Variants in ANO3 observed in about 807,000 individuals in gnomAD.
The protein encoded by ANO3 is anoctamin 3, also known as anoctamin-3.
Under a neutral mutation model 144.8 loss-of-function variants are expected in ANO3, and 99 were observed. That is an observed-to-expected ratio of 0.68 (90% confidence interval 0.58 to 0.81). The LOEUF is 0.81. ANO3 is among the 30% of genes least tolerant of loss of function. The pLI is 0.00. For missense variants in ANO3, 905 were observed against 1,202.2 expected (o/e 0.75, Z 3.66); for synonymous variants, 414 against 392.6 (o/e 1.05, Z -0.64).
chr11:26,584,360 T>C (rs1330604869), intron 14 of ANO3, among the ~76,000 whole-genome samples: 1 of 152,168 alleles, frequency 6.6e-6, no homozygotes, highest in African/African-American at 2.4e-5. Context: ...GGTTTCACCA[T>C]GGTGGCCAGG....
intron 14 of ANO3, among the ~76,000 whole-genome samples, chr11:26,581,688 C>CAAAAAAAAAAAAAAAAAAAAAAAGA: frequency 1.2e-5 from 1 of 84,744 alleles, no homozygotes; most frequent in Non-Finnish European, 2.4e-5. Context: ...GACTCTGTCT[C>CAAAAAAAAAAAAAAAAAAAAAAAGA]AAAAAAAAAA....
intron 1 of ANO3, among the ~76,000 whole-genome samples, chr11:26,339,311 T>G (rs1428474934): frequency 6.6e-6 from 1 of 152,036 alleles, no homozygotes; most frequent in Non-Finnish European, 1.5e-5. Context: ...CCCGCCACCA[T>G]GCCCGCATAA....
intron 1 of ANO3, among the ~76,000 whole-genome samples, chr11:26,375,759 C>G (rs1856389103): frequency 6.6e-6 from 1 of 152,106 alleles, no homozygotes; most frequent in African/African-American, 2.4e-5. Context: ...AATATAATTG[C>G]AAAGCTGTCA....
At chr11:26,389,435 TGAAA>T (rs1276279717) in intron 1 of ANO3, among the ~76,000 whole-genome samples, 20 of 151,934 alleles carry the variant, frequency 1.3e-4, no homozygotes, top group African/African-American at 3.9e-4. Context: ...ACTGAATGAA[TGAAA>T]GAATGAATAA....
intron 1 of ANO3, among the ~76,000 whole-genome samples, chr11:26,258,630 T>C (rs1289045189): frequency 6.6e-6 from 1 of 152,176 alleles, no homozygotes; most frequent in Non-Finnish European, 1.5e-5. Flanking sequence ...TGTTAAATTA[T>C]TGCATCTCTC....
At chr11:26,626,034 A>G (rs1443916613) in intron 18 of ANO3, among the ~76,000 whole-genome samples, 2 of 152,236 alleles carry the variant, frequency 1.3e-5, no homozygotes, top group Non-Finnish European at 2.9e-5. Context: ...AAGGAGTTTC[A>G]TTTTCTTCTG....
intron 1 of ANO3, among the ~76,000 whole-genome samples, chr11:26,279,933 A>G (rs780274016): frequency 6.6e-6 from 1 of 152,164 alleles, no homozygotes; most frequent in African/African-American, 2.4e-5. Flanking sequence ...CTCTCCCTGG[A>G]TTAGTGTAAA....
At chr11:26,617,525 A>G (rs1325453251) in intron 17 of ANO3, among the ~76,000 whole-genome samples, 1 of 152,220 alleles carries the variant, frequency 6.6e-6, no homozygotes, top group Non-Finnish European at 1.5e-5. Flanking sequence ...ACTAGAACCC[A>G]TGTATCTTCT....
At chr11:26,284,735 T>TA (rs58634244) in intron 1 of ANO3, among the ~76,000 whole-genome samples, 78 of 148,506 alleles carry the variant, frequency 5.3e-4, no homozygotes, top group Admixed American at 1.6e-3. Context: ...CCGTCTCTAC[T>TA]AAAAAAAAAA....
chr11:26,540,290 A>G (rs984084300), intron 10 of ANO3, among the ~76,000 whole-genome samples: 4 of 152,216 alleles, frequency 2.6e-5, no homozygotes, highest in African/African-American at 7.2e-5. Context: ...ATGCAAATCC[A>G]TAAACATAAT....
chr11:26,223,179 T>C (rs2133794210), intron 1 of ANO3, among the ~76,000 whole-genome samples: 1 of 152,294 alleles, frequency 6.6e-6, no homozygotes, highest in Middle Eastern at 3.4e-3. Context: ...GAAGCAGCCA[T>C]GCAACATCTT....
intron 24 of ANO3, among the ~76,000 whole-genome samples, chr11:26,649,091 A>T (rs539422105): frequency 3.2e-4 from 49 of 152,262 alleles, no homozygotes; most frequent in African/African-American, 1.1e-3. Context: ...CCTTTTTTTA[A>T]AATTTTATAA....
chr11:26,479,319 G>T (rs1023116069), intron 4 of ANO3, among the ~76,000 whole-genome samples: 1 of 152,288 alleles, frequency 6.6e-6, no homozygotes, highest in East Asian at 1.9e-4. Context: ...AATAAGAATA[G>T]ATTTTTTAAC....
At chr11:26,429,462 C>CAAA (rs10668197) in intron 1 of ANO3, among the ~76,000 whole-genome samples, 108,877 of 142,386 alleles carry the variant, frequency 0.76, 42,227 homozygotes, top group South Asian at 0.9. Context: ...TCCAAAAGTT[C>CAAA]AAAAAAAAAA....
intron 1 of ANO3, among the ~76,000 whole-genome samples, chr11:26,398,721 C>T (rs955979466): frequency 6.6e-6 from 1 of 151,968 alleles, no homozygotes. Flanking sequence ...AGAACTTCCT[C>T]GTGGAGGCAG....
At chr11:26,421,574 A>C (rs1857753437) in intron 1 of ANO3, among the ~76,000 whole-genome samples, 1 of 152,046 alleles carries the variant, frequency 6.6e-6, no homozygotes, top group South Asian at 2.1e-4. Flanking sequence ...GACATGATGT[A>C]AAAATCTGTT....
intron 1 of ANO3, among the ~76,000 whole-genome samples, chr11:26,412,826 G>GTGTGTGTGTGTGTGTGTGTGTGTGTA (rs1157559353): frequency 6.6e-5 from 10 of 151,214 alleles, no homozygotes; most frequent in African/African-American, 2.4e-4. Flanking sequence ...GTGTGTGTGT[G>GTGTGTGTGTGTGTGTGTGTGTGTGTA]TGTATGTATG....
At chr11:26,587,282 A>T (rs1414602418) in intron 14 of ANO3, among the ~76,000 whole-genome samples, 1 of 152,158 alleles carries the variant, frequency 6.6e-6, no homozygotes, top group Non-Finnish European at 1.5e-5. Flanking sequence ...TGTCTAGATG[A>T]ACTAAGCACT....
intron 1 of ANO3, among the ~76,000 whole-genome samples, chr11:26,237,208 G>T (rs1852551593): frequency 6.6e-6 from 1 of 152,076 alleles, no homozygotes; most frequent in South Asian, 2.1e-4. Flanking sequence ...GCTGTACACT[G>T]TTAGGATTAA....
Sources: allele counts gnomAD v4.1 joint callset (sites outside exome capture counted in the v4.1 genomes callset), GRCh38; gene constraint gnomAD v4.1.1; transcripts MANE v1.5; gene names NCBI Gene and HGNC (gene_info 2026-07-23, HGNC 2026-07-21).